The following ALPK1 variants were observed in gnomAD, a reference collection of about 807,000 sequenced individuals.
The protein encoded by ALPK1 is alpha-protein kinase 1.
A neutral mutation model predicts 120.6 loss-of-function variants in ALPK1; 110 were observed. That is an observed-to-expected ratio of 0.91 (90% CI 0.78 to 1.07). ALPK1 has a LOEUF of 1.07. Ranked by LOEUF, ALPK1 falls within the 50% of genes least tolerant of loss-of-function variation. The pLI is 0.00. For missense variants in ALPK1, 1,498 were observed against 1,483.9 expected (o/e 1.01, Z -0.16); for synonymous variants, 582 against 560.3 (o/e 1.04, Z -0.55).
intron 1 of ALPK1, among the ~76,000 whole-genome samples, chr4:112,308,861 T>G (rs1270827713): frequency 1.3e-5 from 2 of 152,122 alleles, no homozygotes; most frequent in Non-Finnish European, 1.5e-5. Flanking sequence ...GCTCTGTTTT[T>G]TCCCCATCTT....
At chr4:112,399,198 G>A (rs377113919) in intron 4 of ALPK1, among the ~76,000 whole-genome samples, 3 of 152,300 alleles carry the variant, frequency 2.0e-5, no homozygotes, top group South Asian at 2.1e-4. Flanking sequence ...AGAACTGATC[G>A]CTAGGGCCTT....
At chr4:112,359,053 G>A (rs551823605) in intron 2 of ALPK1, 45 of 759,538 alleles carry the variant, frequency 5.9e-5, no homozygotes, top group Admixed American at 1.7e-4. Flanking sequence ...CAAAGGCAGC[G>A]GACACAGCCA....
At chr4:112,339,257 A>G (rs1057425607) in intron 2 of ALPK1, among the ~76,000 whole-genome samples, 2 of 152,218 alleles carry the variant, frequency 1.3e-5, no homozygotes, top group African/African-American at 4.8e-5. Flanking sequence ...AAAAGGGATA[A>G]TATGATGAGG....
At chr4:112,356,531 G>T (rs1730623598) in intron 2 of ALPK1, 1 of 856,078 alleles carries the variant, frequency 1.2e-6, no homozygotes, top group Admixed American at 1.7e-5. Context: ...ACCGGCCTGA[G>T]GTGTGTGTGC....
Position 112,431,728 on chromosome 4 carries a change from T to A in ALPK1, c.2181T>A (p.Gly727=). ...YRSASWSSDS[G]RPKNMGTHPS... ...CTGCTTCTTGGTCTTCTGATTCTGG[T>A]AGGCCCAAGAATATGGGCACACATC... Residue 727 remains glycine, a synonymous_variant, in exon 11 of 16, where the codon GGT becomes GGA. Transcript: ENST00000650871. 1 of 1,614,214 alleles carries A rather than the reference T, an allele frequency of 6.2e-7. No homozygotes were observed. Among genetic ancestry groups the A allele is most frequent in the Non-Finnish European group, 8.5e-7 (1 of 1,180,034 alleles).
At position 112,427,681 on chromosome 4, in the gene ALPK1, C is replaced by A; in HGVS notation, c.795+16C>A. On this transcript the variant is annotated intron_variant, in intron 9 of 15. Coordinates refer to ENST00000650871, the MANE Select transcript of ALPK1 (RefSeq NM_025144.4). ...AATTAATTTGGTAATTATCATAACA[C>A]TGAGTGGCATCACCTGTAAAATTGT... 6.4e-7 allele frequency: 1 copy of A among 1,555,022 alleles called. No individual in the cohort carries two copies. The highest frequency in any genetic ancestry group is 8.9e-7 in the Non-Finnish European group (1 of 1,126,814).
chr4:112,314,087 T>C (rs1578454805), intron 1 of ALPK1, among the ~76,000 whole-genome samples: 1 of 152,104 alleles, frequency 6.6e-6, no homozygotes. Flanking sequence ...AGAAACACAG[T>C]TGGACTTAGT....
At chr4:112,345,530 T>C (rs1730064337) in intron 2 of ALPK1, among the ~76,000 whole-genome samples, 1 of 152,230 alleles carries the variant, frequency 6.6e-6, no homozygotes, top group Admixed American at 6.5e-5. Flanking sequence ...CCCAATTTTG[T>C]TGGTTATCTA....
intron 3 of ALPK1, among the ~76,000 whole-genome samples, chr4:112,381,700 C>G (rs899268351): frequency 6.6e-5 from 10 of 152,168 alleles, no homozygotes; most frequent in African/African-American, 2.4e-4. Flanking sequence ...TAAATAGCCT[C>G]TAGTTAATTC....
chr4:112,405,826 C>T (rs1257471149), intron 4 of ALPK1, among the ~76,000 whole-genome samples: 4 of 152,140 alleles, frequency 2.6e-5, no homozygotes, highest in African/African-American at 4.8e-5. Context: ...TCACCCGCCT[C>T]GGCCTCCTAA....
At chr4:112,379,406 T>C (rs1332285530) in intron 3 of ALPK1, among the ~76,000 whole-genome samples, 1 of 152,176 alleles carries the variant, frequency 6.6e-6, no homozygotes, top group Non-Finnish European at 1.5e-5. Flanking sequence ...CCGGCGTTGG[T>C]TGAATCCAAT....
intron 5 of ALPK1, chr4:112,412,291 T>G: frequency 1.6e-6 from 1 of 606,136 alleles, no homozygotes; most frequent in Non-Finnish European, 3.1e-6. Context: ...GCTTTTGTCT[T>G]CTAACAAATC....
chr4:112,430,943 G>GT lies in ALPK1; in HGVS notation c.1397dup (p.Cys467ValfsTer2). On this transcript the variant is annotated frameshift_variant, in exon 11 of 16. Transcript: ENST00000650871. LOFTEE classifies it high-confidence loss of function. ...CACCTATTCACAGCACCATACTTCG[G>GT]TGTGTGAAGTATTTGAAAGTGATTG... is the stretch of plus-strand genomic sequence containing the variant. 1 of 1,614,134 alleles carries GT rather than the reference G, an allele frequency of 6.2e-7. No homozygotes were observed. The highest frequency in any genetic ancestry group is 8.5e-7 in the Non-Finnish European group (1 of 1,179,964).
At chr4:112,434,770 G>A (rs1734718935) in intron 11 of ALPK1, among the ~76,000 whole-genome samples, 2 of 152,158 alleles carry the variant, frequency 1.3e-5, no homozygotes. Flanking sequence ...GGATCCCCAG[G>A]TAATAATAGT....
chr4:112,376,688 C>A (rs371743217), intron 2 of ALPK1, among the ~76,000 whole-genome samples: 1 of 152,214 alleles, frequency 6.6e-6, no homozygotes, highest in East Asian at 1.9e-4. Context: ...TACTTCATTG[C>A]ATGCATAAGC....
At chr4:112,321,331 T>G (rs1388944995) in intron 2 of ALPK1, among the ~76,000 whole-genome samples, 3 of 152,236 alleles carry the variant, frequency 2.0e-5, no homozygotes, top group African/African-American at 7.2e-5. Flanking sequence ...TTGTCTTTTT[T>G]GTTTCAATTT....
chr4:112,358,819 A>G, intron 2 of ALPK1: 1 of 814,560 alleles, frequency 1.2e-6, no homozygotes. Context: ...AGCCAAGCCA[A>G]CTTTGCCACC....
intron 2 of ALPK1, among the ~76,000 whole-genome samples, chr4:112,340,372 A>G (rs1560643903): frequency 6.6e-6 from 1 of 152,252 alleles, no homozygotes. Flanking sequence ...AGAAAAAAGT[A>G]AAAAAGAAAT....
chr4:112,300,575 G>A (rs993034053), intron 1 of ALPK1, among the ~76,000 whole-genome samples: 14 of 151,910 alleles, frequency 9.2e-5, no homozygotes, highest in African/African-American at 2.7e-4. Flanking sequence ...CAGGTGCAGC[G>A]GAGTCAGTGA....
Sources: allele counts gnomAD v4.1 joint callset (sites outside exome capture counted in the v4.1 genomes callset), GRCh38; gene constraint gnomAD v4.1.1; transcripts MANE v1.5; gene names NCBI Gene and HGNC (gene_info 2026-07-23, HGNC 2026-07-21).